APP: variants seen among roughly 807,000 people sequenced by gnomAD.
The protein encoded by APP is amyloid-beta precursor protein.
APP carries 31 observed loss-of-function variants against 101.4 expected under a neutral mutation model. The ratio of observed to expected loss-of-function variants is 0.31; its 90% CI spans 0.23 to 0.41. The LOEUF is 0.41. Among genes scored for constraint, APP ranks in the 10% least tolerant of loss-of-function variants. APP has a pLI of 1.00. For missense variants in APP, 839 were observed against 1,003.7 expected (o/e 0.84, Z 2.22); for synonymous variants, 366 against 364.4 (o/e 1.00, Z -0.05).
At chr21:26,166,938 GT>G (rs1421591707) in intron 1 of APP, among the ~76,000 whole-genome samples, 1 of 142,332 alleles carries the variant, frequency 7.0e-6, no homozygotes, top group Non-Finnish European at 1.5e-5. Context: ...GTGTGTGTGT[GT>G]GTGTGTGTGT....
chr21:26,100,131 T>C (rs1488804388), intron 2 of APP, among the ~76,000 whole-genome samples: 1 of 152,200 alleles, frequency 6.6e-6, no homozygotes, highest in African/African-American at 2.4e-5. Flanking sequence ...CACAAGCAGA[T>C]GTGTACACAT....
At chr21:25,950,368 GCTTTTTTTTTTT>G (rs2041014584) in intron 13 of APP, among the ~76,000 whole-genome samples, 1 of 149,010 alleles carries the variant, frequency 6.7e-6, no homozygotes, top group Non-Finnish European at 1.5e-5. Flanking sequence ...ACCACAAGCA[GCTTTTTTTTTTT>G]CTTTTTTTTT....
Position 26,146,961 on chromosome 21 carries a change from C to T in APP, c.57+23603G>A, listed in dbSNP as rs896755369. 7.2e-5 allele frequency among the ~76,000 whole-genome samples: 11 copies of T among 152,270 alleles called. No individual in the cohort carries two copies. In the East Asian group the frequency reaches 2.1e-3, roughly 29 times the overall value. The stretch of plus-strand genomic sequence containing the variant: ...ACCATTAACTAAATAATCCATCTTT[C>T]CCCTTTCTGATGTAAAAAGACACTT... On this transcript the variant is annotated intron_variant, in intron 1 of 17. Transcript: ENST00000346798.
rs573129643 is a variant in APP, at chr21:26,084,269, C to CGCTCTGTCCCCCAGGCTGGA, written c.355+5654_355+5673dup. Among the ~76,000 whole-genome samples the CGCTCTGTCCCCCAGGCTGGA allele has an allele frequency of 5.0e-3, 594 of 119,920 alleles. 5 individuals carry two copies. Among genetic ancestry groups the CGCTCTGTCCCCCAGGCTGGA allele is most frequent in the African/African-American group, 0.018 (567 of 31,810 alleles). 78.7% of individuals were successfully genotyped at this position (119,920 alleles called of 152,430 possible). A position where few individuals can be genotyped will look rare whatever the true frequency, so the allele number is the denominator to read the frequency against. On this transcript the variant is annotated intron_variant, in intron 3 of 17. Coordinates refer to ENST00000346798, the MANE Select transcript of APP (RefSeq NM_000484.4). ...TTTTTTTTTTTTTGAGACTGAGTCTCGCTCTGTCCCCCAGGCTGGAGCGCA... is the reference window on the plus strand; with the variant it reads ...TTTTTTTTTTTTTGAGACTGAGTCTCGCTCTGTCCCCCAGGCTGGAGCTCTGTCCCCCAGGCTGGAGCGCA...
Position 26,170,718 on chromosome 21 carries a change from C to A in APP, c.-98G>T. 7.8e-7 allele frequency: 1 copy of A among 1,274,354 alleles called. No homozygotes were observed. The highest frequency in any genetic ancestry group is 1.0e-6 in the Non-Finnish European group (1 of 967,796). The allele number at this position is 1,274,354 out of a possible 1,614,324, so 78.9% of individuals were successfully genotyped here. On this transcript the variant is annotated 5_prime_UTR_variant, in exon 1 of 18. Coordinates refer to ENST00000346798, the MANE Select transcript of APP (RefSeq NM_000484.4). ...CGCCACCGCCGCCGTCTCCCGGGGCCCCCGCGCACGCTCCTCCGCGTGCTC... is the reference window on the plus strand; with the variant it reads ...CGCCACCGCCGCCGTCTCCCGGGGCACCCGCGCACGCTCCTCCGCGTGCTC...
intron 13 of APP, among the ~76,000 whole-genome samples, chr21:25,937,044 CAAGTA>C (rs2040393161): frequency 1.3e-5 from 2 of 151,972 alleles, no homozygotes; most frequent in African/African-American, 4.8e-5. Flanking sequence ...GACAAATGGT[CAAGTA>C]AAGAAAAAGC....
In APP at chr21:26,017,567, C is replaced by A. The variant is rs141780157; in HGVS notation, c.865+4273G>T. ...CGATGCCTTCCACAGTAGCAAAGAG[C>A]CTAGCCATCAGCAGGGGTACAACGA... On this transcript the variant is annotated intron_variant, in intron 6 of 17. Transcript: ENST00000346798. 7.9e-5 allele frequency among the ~76,000 whole-genome samples: 12 copies of A among 152,228 alleles called. No homozygotes were observed. The East Asian group carries it at 2.3e-3, about 29-fold the overall frequency.
intron 8 of APP, among the ~76,000 whole-genome samples, chr21:25,990,537 T>A (rs2042818730): frequency 6.6e-6 from 1 of 152,200 alleles, no homozygotes; most frequent in Non-Finnish European, 1.5e-5. Context: ...TGGAGGCACA[T>A]AAAGAAATAA....
intron 1 of APP, among the ~76,000 whole-genome samples, chr21:26,122,254 G>A (rs935039185): frequency 1.3e-5 from 2 of 152,154 alleles, no homozygotes; most frequent in African/African-American, 2.4e-5. Flanking sequence ...CCAGTTCTGG[G>A]CTATAGTGAG....
chr21:26,163,239 C>CAAAAAAAAAAAAA (rs58816061), intron 1 of APP, among the ~76,000 whole-genome samples: 1 of 58,834 alleles, frequency 1.7e-5, no homozygotes, highest in Non-Finnish European at 3.2e-5. Context: ...AACTCAGTCT[C>CAAAAAAAAAAAAA]AAAAAAAAAA....
intron 1 of APP, among the ~76,000 whole-genome samples, chr21:26,119,501 T>C (rs989697397): frequency 6.6e-6 from 1 of 152,236 alleles, no homozygotes; most frequent in African/African-American, 2.4e-5. Context: ...GCCAACTGAA[T>C]CTGCAAAGTA....
intron 1 of APP, among the ~76,000 whole-genome samples, chr21:26,123,540 C>T (rs993629532): frequency 1.3e-5 from 2 of 152,122 alleles, no homozygotes; most frequent in African/African-American, 4.8e-5. Flanking sequence ...ATAACTTACA[C>T]CAAAGCACTA....
chr21:26,044,802 G>C (rs187583981), intron 5 of APP, among the ~76,000 whole-genome samples: 2 of 152,286 alleles, frequency 1.3e-5, no homozygotes, highest in African/African-American at 4.8e-5. Context: ...GCCTCCCAAA[G>C]TGCTGGGATT....
At chr21:25,907,363 T>G (rs2038847578) in intron 14 of APP, among the ~76,000 whole-genome samples, 1 of 152,088 alleles carries the variant, frequency 6.6e-6, no homozygotes, top group Non-Finnish European at 1.5e-5. Flanking sequence ...TATGATATCA[T>G]TGCCGAAAAA....
intron 1 of APP, among the ~76,000 whole-genome samples, chr21:26,147,709 G>A (rs1421287810): frequency 6.6e-6 from 1 of 152,148 alleles, no homozygotes; most frequent in South Asian, 2.1e-4. Context: ...CATTAAGTCG[G>A]CCTCAAAGCA....
intron 8 of APP, among the ~76,000 whole-genome samples, chr21:25,994,853 C>A (rs968761625): frequency 6.6e-6 from 1 of 152,238 alleles, no homozygotes; most frequent in African/African-American, 2.4e-5. Context: ...ATAAATAAGA[C>A]CACATAGCTG....
chr21:25,958,439 G>A (rs1271899762), intron 11 of APP, among the ~76,000 whole-genome samples: 1 of 152,114 alleles, frequency 6.6e-6, no homozygotes, highest in African/African-American at 2.4e-5. Context: ...ACCATGCTCA[G>A]CTAATTTTTT....
At chr21:26,140,690 T>C (rs1428536291) in intron 1 of APP, among the ~76,000 whole-genome samples, 1 of 152,242 alleles carries the variant, frequency 6.6e-6, no homozygotes, top group East Asian at 1.9e-4. Context: ...GGCAAGAAGA[T>C]AACTGAATGA....
chr21:26,045,237 A>G lies in APP; in HGVS notation c.662+5763T>C, dbSNP rs967091207. Among the ~76,000 whole-genome samples the G allele has an allele frequency of 2.0e-5, 3 of 152,244 alleles. No homozygotes were observed. The East Asian group carries it at 5.8e-4, about 29-fold the overall frequency. On this transcript the variant is annotated intron_variant, in intron 5 of 17. Transcript: ENST00000346798. ...AAATTATGAGCTGTCAATGTTTTAAATATCTTAAATTTTTACAATAATTAA... is the reference window on the plus strand; with the variant it reads ...AAATTATGAGCTGTCAATGTTTTAAGTATCTTAAATTTTTACAATAATTAA...
Sources: allele counts gnomAD v4.1 joint callset (sites outside exome capture counted in the v4.1 genomes callset), GRCh38; gene constraint gnomAD v4.1.1; transcripts MANE v1.5; gene names NCBI Gene and HGNC (gene_info 2026-07-23, HGNC 2026-07-21).